Variants in RAI14 observed in about 807,000 individuals in gnomAD.
RAI14 encodes retinoic acid induced 14.
Under a neutral mutation model 115.4 loss-of-function variants are expected in RAI14, and 45 were observed. The observed-to-expected ratio is 0.39, with a 90% CI of 0.31 to 0.50. RAI14 has a LOEUF of 0.50. Ranked by LOEUF, RAI14 falls within the 20% of genes least tolerant of loss-of-function variation. The probability of loss-of-function intolerance (pLI) is 0.85; values close to 1 mark genes in which losing one functional copy is unlikely to be tolerated. For missense variants in RAI14, 939 were observed against 1,131.2 expected (o/e 0.83, Z 2.44); for synonymous variants, 371 against 415.4 (o/e 0.89, Z 1.30).
chr5:34,827,299 T>C lies in RAI14; in HGVS notation c.2799+820T>C, dbSNP rs545942804. Among the ~76,000 whole-genome samples, 3 of 100,764 alleles carry C rather than the reference T, an allele frequency of 3.0e-5. No individual in the cohort carries two copies. The highest frequency in any genetic ancestry group is 3.8e-4 in the South Asian group (1 of 2,616). 66.1% of individuals were successfully genotyped at this position (100,764 alleles called of 152,430 possible). On this transcript the variant is annotated intron_variant, in intron 16 of 17. Transcript: ENST00000265109. This position sits in a 1 kb window ranked among gnomAD's most constrained non-coding sequence, Gnocchi z 4.2. ...TAATCCACGATAATCTCCCTCTCCA[T>C]CTCAAACCCTTAATTTCATCTGCAA...
intron 6 of RAI14, 114 bp from the exon 7 acceptor site, chr5:34,808,470 G>T: frequency 1.1e-6 from 1 of 913,810 alleles, no homozygotes; most frequent in Non-Finnish European, 1.7e-6. Flanking sequence ...TGCAACTAGA[G>T]TGAATATATG....
At chr5:34,672,902 GT>G (rs899405853) in intron 1 of RAI14, among the ~76,000 whole-genome samples, 3 of 151,862 alleles carry the variant, frequency 2.0e-5, no homozygotes, top group Non-Finnish European at 2.9e-5. Flanking sequence ...TATCCTGAAG[GT>G]TTTGTTTTTC....
intron 3 of RAI14, among the ~76,000 whole-genome samples, chr5:34,766,147 C>T (rs964254627): frequency 2.0e-5 from 3 of 152,216 alleles, no homozygotes; most frequent in Non-Finnish European, 1.5e-5. Flanking sequence ...AGAACCTCTG[C>T]TAGGGCAATC....
intron 3 of RAI14, among the ~76,000 whole-genome samples, chr5:34,774,099 T>G (rs2150139295): frequency 6.6e-6 from 1 of 152,166 alleles, no homozygotes; most frequent in Middle Eastern, 3.4e-3. Context: ...ACATCTGTAA[T>G]CCCAGCAGTT....
chr5:34,788,015 C>T (rs1366354224), intron 3 of RAI14, among the ~76,000 whole-genome samples: 2 of 145,554 alleles, frequency 1.4e-5, no homozygotes, highest in South Asian at 2.2e-4. Context: ...CTTCCAGGCT[C>T]ATGCTATCCT....
At chr5:34,720,410 T>C (rs940725341) in intron 2 of RAI14, among the ~76,000 whole-genome samples, 103 of 139,044 alleles carry the variant, frequency 7.4e-4, no homozygotes, top group Non-Finnish European at 1.3e-3. Context: ...GATTTTTTTT[T>C]TTTTTTTTTT....
At chr5:34,810,258 T>C (rs1249970289) in intron 7 of RAI14, among the ~76,000 whole-genome samples, 1 of 152,100 alleles carries the variant, frequency 6.6e-6, no homozygotes, top group Non-Finnish European at 1.5e-5. Flanking sequence ...AAAAACAAAA[T>C]AACAACTTCT....
At chr5:34,679,880 G>C (rs1398578496) in intron 1 of RAI14, among the ~76,000 whole-genome samples, 3 of 152,040 alleles carry the variant, frequency 2.0e-5, no homozygotes, top group African/African-American at 7.2e-5. Flanking sequence ...GTGTCAGAGA[G>C]CTCACCCTCC....
rs189792939 is a variant in RAI14 at position 34,821,295 on chromosome 5, G to A, written c.995-437G>A. 2.4e-3 allele frequency among the ~76,000 whole-genome samples: 360 copies of A among 152,292 alleles called. 1 individual carries two copies. Among genetic ancestry groups the A allele is most frequent in the African/African-American group, 8.4e-3 (351 of 41,562 alleles). On this transcript the variant is annotated intron_variant, in intron 13 of 17. Transcript: ENST00000265109. ...AGAGGCAGAGATTTGTTGGGAAGCT[G>A]TTTGCAGAGTTTCCAAGTAAGGTGA...
chr5:34,810,174 C>A (rs1039271159), intron 7 of RAI14, among the ~76,000 whole-genome samples: 2 of 152,154 alleles, frequency 1.3e-5, no homozygotes, highest in Non-Finnish European at 1.5e-5. Context: ...ATTGTAACAT[C>A]TTTTCCCTTT....
chr5:34,681,811 T>G (rs915009424), intron 1 of RAI14, among the ~76,000 whole-genome samples: 4 of 151,974 alleles, frequency 2.6e-5, no homozygotes, highest in Admixed American at 2.6e-4. Context: ...CTGCATTTCT[T>G]TTTTCATCAG....
chr5:34,799,209 C>T (rs1326811618), intron 4 of RAI14, among the ~76,000 whole-genome samples: 1 of 152,168 alleles, frequency 6.6e-6, no homozygotes, highest in African/African-American at 2.4e-5. Context: ...CTCTCCCTCT[C>T]AAGAAAGCAT....
intron 4 of RAI14, among the ~76,000 whole-genome samples, chr5:34,799,915 C>T (rs1466622127): frequency 1.3e-5 from 2 of 152,096 alleles, no homozygotes; most frequent in African/African-American, 4.8e-5. Flanking sequence ...TCTTGATCTC[C>T]TGACCTCGTG....
At chr5:34,828,209 A>T (rs111808899) in intron 16 of RAI14, among the ~76,000 whole-genome samples, 13,410 of 152,102 alleles carry the variant, frequency 0.088, 872 homozygotes, top group South Asian at 0.15. Context: ...AAAGATGGGA[A>T]GTGGTGGTTA....
At chr5:34,671,315 G>T (rs1743604983) in intron 1 of RAI14, among the ~76,000 whole-genome samples, 2 of 152,152 alleles carry the variant, frequency 1.3e-5, no homozygotes, top group Admixed American at 6.5e-5. Flanking sequence ...GAGTCCATCA[G>T]CCTTTGAGTG....
chr5:34,688,623 A>G (rs531599687), intron 2 of RAI14, among the ~76,000 whole-genome samples: 1 of 152,296 alleles, frequency 6.6e-6, no homozygotes, highest in Admixed American at 6.5e-5. Context: ...GTGCTAAGAG[A>G]AGAAATGTTG....
At chr5:34,664,377 A>G (rs1742937098) in intron 1 of RAI14, among the ~76,000 whole-genome samples, 1 of 147,960 alleles carries the variant, frequency 6.8e-6, no homozygotes, top group Non-Finnish European at 1.5e-5. Context: ...AGATCACACC[A>G]CTGCACTCCA....
intron 3 of RAI14, among the ~76,000 whole-genome samples, chr5:34,781,257 G>A (rs1215873933): frequency 3.3e-5 from 5 of 151,698 alleles, no homozygotes; most frequent in African/African-American, 4.8e-5. Flanking sequence ...AGCATTAGGC[G>A]ATATACCTAA....
At chr5:34,700,406 A>G (rs1739918857) in intron 2 of RAI14, among the ~76,000 whole-genome samples, 1 of 152,160 alleles carries the variant, frequency 6.6e-6, no homozygotes, top group Non-Finnish European at 1.5e-5. Context: ...CCCTTTCCCC[A>G]TGGTGAACAA....
Sources: allele counts gnomAD v4.1 joint callset (sites outside exome capture counted in the v4.1 genomes callset), GRCh38; gene constraint gnomAD v4.1.1; non-coding constraint Gnocchi (gnomAD v3.1); transcripts MANE v1.5; gene names NCBI Gene and HGNC (gene_info 2026-07-23, HGNC 2026-07-21).